The following NPTN variants were observed in gnomAD, a reference collection of about 807,000 sequenced individuals.
The protein encoded by NPTN is SDR-1.
NPTN carries 5 observed loss-of-function variants against 42.7 expected under a neutral mutation model. The observed-to-expected ratio is 0.12, with a 90% CI of 0.06 to 0.25. The LOEUF is 0.25. NPTN is among the 10% of genes least tolerant of loss of function. NPTN has a pLI of 1.00. For synonymous variants in NPTN, 180 were observed against 201.9 expected (o/e 0.89, Z 0.92); for missense variants, 307 against 525.4 (o/e 0.58, Z 4.06).
At chr15:73,568,742 C>T (rs755737594) in intron 6 of NPTN, 71 of 985,438 alleles carry the variant, frequency 7.2e-5, no homozygotes, top group Non-Finnish European at 8.4e-5. Flanking sequence ...CAACGTCCTT[C>T]CCACGCCTCT....
At chr15:73,571,499 A>G (rs1895382323) in intron 5 of NPTN, among the ~76,000 whole-genome samples, 2 of 152,156 alleles carry the variant, frequency 1.3e-5, no homozygotes, top group Admixed American at 1.3e-4. Flanking sequence ...GGGCACAGTG[A>G]GTGGCCACTG....
intron 8 of NPTN, 55 bp downstream of exon 8, chr15:73,561,841 G>T: frequency 7.9e-7 from 1 of 1,260,364 alleles, no homozygotes; most frequent in Non-Finnish European, 1.2e-6. Context: ...AAGGTCAATA[G>T]AGGCACATTC....
At chr15:73,612,933 T>G (rs1036182664) in intron 1 of NPTN, among the ~76,000 whole-genome samples, 1 of 152,158 alleles carries the variant, frequency 6.6e-6, no homozygotes, top group African/African-American at 2.4e-5. Flanking sequence ...GAGAATAAAT[T>G]ACACTTATGG....
Position 73,560,879 on chromosome 15 carries a change from A to G in NPTN, c.*184T>C, listed in dbSNP as rs1050350349. 6.6e-6 allele frequency: 1 copy of G among 152,582 alleles called. No individual in the cohort carries two copies. The highest frequency in any genetic ancestry group is 3.4e-3 in the Middle Eastern group (1 of 294). 9.5% of individuals were successfully genotyped at this position (152,582 alleles called of 1,614,324 possible). A position where few individuals can be genotyped will look rare whatever the true frequency, so the allele number is the denominator to read the frequency against. On this transcript the variant is annotated 3_prime_UTR_variant, in exon 9 of 9. Transcript: ENST00000345330. ...AAATAGTTTACACCTTCTACACTGA[A>G]GCATTGTTTAAAATGTACCTGGCTA... is the stretch of plus-strand genomic sequence containing the variant.
chr15:73,578,275 C>G (rs1895801079), intron 4 of NPTN, among the ~76,000 whole-genome samples: 1 of 151,976 alleles, frequency 6.6e-6, no homozygotes, highest in Admixed American at 6.6e-5. Flanking sequence ...AACAGGCTCC[C>G]CGTGGCTACT....
At chr15:73,584,699 G>A (rs967555010) in intron 4 of NPTN, among the ~76,000 whole-genome samples, 1 of 146,200 alleles carries the variant, frequency 6.8e-6, no homozygotes, top group East Asian at 2.0e-4. Flanking sequence ...ATCACCTGCC[G>A]AATACCTGAG....
chr15:73,612,368 G>A (rs763370294), intron 1 of NPTN, among the ~76,000 whole-genome samples: 9 of 149,994 alleles, frequency 6.0e-5, no homozygotes, highest in Non-Finnish European at 1.2e-4. Context: ...GCAATAAACC[G>A]TGATCACACC....
intron 1 of NPTN, among the ~76,000 whole-genome samples, chr15:73,623,643 C>T (rs563483996): frequency 3.3e-5 from 5 of 152,254 alleles, no homozygotes; most frequent in South Asian, 2.1e-4. Flanking sequence ...GTAATGATCA[C>T]GCCACTGCAT....
At chr15:73,596,652 AC>A (rs1031820975) in intron 2 of NPTN, among the ~76,000 whole-genome samples, 59 of 151,994 alleles carry the variant, frequency 3.9e-4, no homozygotes, top group African/African-American at 1.3e-3. Flanking sequence ...TTTCAACACT[AC>A]CCTCCTTGGA....
rs191255299 is a variant in NPTN at position 73,622,048 on chromosome 15, G to A, written c.91+11077C>T. On this transcript the variant is annotated intron_variant, in intron 1 of 8. Transcript: ENST00000345330. The stretch of plus-strand genomic sequence containing the variant: ...TATAAAGTAATCACATCCCATAGGA[G>A]ACTGAGGCAGGAGAATCACTCGAAC... Among the ~76,000 whole-genome samples, 122 of 152,246 alleles carry A rather than the reference G, an allele frequency of 8.0e-4. 1 individual carries two copies. The highest frequency in any genetic ancestry group is 4.5e-3 in the Admixed American group (69 of 15,290).
chr15:73,614,071 G>C (rs1191084450), intron 1 of NPTN, among the ~76,000 whole-genome samples: 1 of 151,966 alleles, frequency 6.6e-6, no homozygotes, highest in African/African-American at 2.4e-5. Context: ...CAGAACTTTG[G>C]GAGGCTGGCG....
intron 5 of NPTN, among the ~76,000 whole-genome samples, chr15:73,572,829 A>G (rs1267137226): frequency 1.3e-5 from 2 of 152,258 alleles, no homozygotes; most frequent in East Asian, 3.9e-4. Flanking sequence ...TTTTGTCTTC[A>G]CCCCAATTTC....
chr15:73,592,728 A>G (rs930677934), intron 2 of NPTN, among the ~76,000 whole-genome samples: 1 of 152,200 alleles, frequency 6.6e-6, no homozygotes, highest in Admixed American at 6.5e-5. Flanking sequence ...TGTGGAGGCA[A>G]AATTCTTGAG....
At chr15:73,567,001 GCTTTT>G (rs371274829) in intron 6 of NPTN, 9,127 of 854,210 alleles carry the variant, frequency 0.011, 35 homozygotes, top group East Asian at 0.069. Context: ...AAGACATGGG[GCTTTT>G]TTTTTTTTTT....
chr15:73,587,793 T>C (rs1468017110), intron 3 of NPTN, among the ~76,000 whole-genome samples, 175 bp from the exon 4 acceptor site: 1 of 152,192 alleles, frequency 6.6e-6, no homozygotes, highest in Non-Finnish European at 1.5e-5. Flanking sequence ...ATTAATGTCT[T>C]GCTCTTTTCC....
intron 6 of NPTN, among the ~76,000 whole-genome samples, chr15:73,566,363 C>T (rs2141351940): frequency 6.6e-6 from 1 of 152,270 alleles, no homozygotes; most frequent in South Asian, 2.1e-4. Context: ...AAAAATGGCC[C>T]CCCAAAAAAC....
Position 73,569,672 on chromosome 15 carries a change from C to T in NPTN, c.1114+478G>A. On this transcript the variant is annotated intron_variant, in intron 6 of 8. Coordinates refer to ENST00000345330, the MANE Select transcript of NPTN (RefSeq NM_012428.4). This position sits in a 1 kb window ranked among gnomAD's most constrained non-coding sequence, Gnocchi z 4.1. The stretch of plus-strand genomic sequence containing the variant: ...CTGACTGGGCTGGGGCAGTTACCTA[C>T]AGGGGCTACACCAGGCAACCATGTG... 1.0e-6 allele frequency: 1 copy of T among 985,460 alleles called. No individual in the cohort carries two copies. The highest frequency in any genetic ancestry group is 1.2e-6 in the Non-Finnish European group (1 of 829,940). The allele number at this position is 985,460 out of a possible 1,614,324, so 61.0% of individuals were successfully genotyped here. A position where few individuals can be genotyped will look rare whatever the true frequency, so the allele number is the denominator to read the frequency against.
intron 1 of NPTN, among the ~76,000 whole-genome samples, chr15:73,615,479 T>C (rs1897820942): frequency 6.6e-6 from 1 of 152,168 alleles, no homozygotes; most frequent in Non-Finnish European, 1.5e-5. Context: ...TTCCAGAGCT[T>C]GCAATCACTA....
In NPTN at chr15:73,587,532, T is replaced by G; in HGVS notation, c.698A>C (p.Glu233Ala). ...CCTCTGCTGGGTTGTACCTTTCACT[T>G]CAATGGTGGCGTTTGCTTTAGGAGC... ...VSAPKANATIEVKAAPDITGH... is the reference protein window; with the variant it reads ...VSAPKANATIAVKAAPDITGH... The change falls in exon 4 of 9, where the codon GAA becomes GCA. Residue 233 changes from glutamate to alanine, a missense_variant. Coordinates refer to ENST00000345330, the MANE Select transcript of NPTN (RefSeq NM_012428.4). 6.2e-7 allele frequency: 1 copy of G among 1,613,262 alleles called. No individual in the cohort carries two copies. Among genetic ancestry groups the G allele is most frequent in the Admixed American group, 1.7e-5 (1 of 60,028 alleles).
Sources: gnomAD v4.1 joint callset for allele counts (sites outside exome capture counted in the v4.1 genomes callset) on GRCh38, gnomAD v4.1.1 for gene constraint, Gnocchi (gnomAD v3.1) non-coding constraint, MANE v1.5 for transcripts, NCBI Gene and HGNC (gene_info 2026-07-23, HGNC 2026-07-21) for gene names.